The following SEMA3A variants were observed in gnomAD, a reference collection of about 807,000 sequenced individuals.
SEMA3A encodes semaphorin-3A.
A neutral mutation model predicts 97.9 loss-of-function variants in SEMA3A; 29 were observed. The observed-to-expected ratio is 0.30, with a 90% CI of 0.22 to 0.40. SEMA3A has a LOEUF of 0.40. SEMA3A is among the 10% of genes least tolerant of loss of function. The probability of loss-of-function intolerance (pLI) is 1.00; values close to 1 mark genes in which losing one functional copy is unlikely to be tolerated. For missense variants in SEMA3A, 763 were observed against 951.3 expected, an observed-to-expected ratio of 0.80 and a Z score of 2.60; for synonymous variants, 321 against 323.7, an observed-to-expected ratio of 0.99 and a Z score of 0.09.
chr7:84,054,925 C>A (rs974118470), intron 5 of SEMA3A, among the ~76,000 whole-genome samples: 27 of 151,826 alleles, frequency 1.8e-4, no homozygotes, highest in African/African-American at 4.1e-4. Flanking sequence ...TTCTAACAGA[C>A]AGGACCCTCA....
chr7:84,193,577 T>A (rs1245790051), intron 1 of SEMA3A, among the ~76,000 whole-genome samples: 5 of 152,202 alleles, frequency 3.3e-5, no homozygotes, highest in South Asian at 2.1e-4. Context: ...AAAGATTTAC[T>A]GCCACTAAAT....
At chr7:83,963,160 A>G in intron 16 of SEMA3A, 45 bp downstream of exon 16, 1 of 1,588,586 alleles carries the variant, frequency 6.3e-7, no homozygotes. Flanking sequence ...TACATTTAAC[A>G]GTGTATCTTA....
chr7:84,325,160 T>TATCA (rs1801745729), intron 2 of SEMA3A, among the ~76,000 whole-genome samples: 1 of 147,572 alleles, frequency 6.8e-6, no homozygotes, highest in Non-Finnish European at 1.5e-5. Context: ...TCTATCTATC[T>TATCA]ATCATTTTAA....
At chr7:83,973,780 C>A (rs1455501813) in intron 15 of SEMA3A, among the ~76,000 whole-genome samples, 2 of 151,412 alleles carry the variant, frequency 1.3e-5, no homozygotes, top group East Asian at 3.9e-4. Context: ...TGCATGCATG[C>A]AAAACTATTA....
chr7:84,307,124 T>C (rs75748848), intron 3 of SEMA3A: 1 of 152,134 alleles, frequency 6.6e-6, no homozygotes, highest in Admixed American at 6.6e-5. Context: ...TTATAAATTA[T>C]ATGCCACAGA....
chr7:84,219,661 T>C (rs925265585), intron 3 of SEMA3A, among the ~76,000 whole-genome samples: 1 of 152,200 alleles, frequency 6.6e-6, no homozygotes, highest in African/African-American at 2.4e-5. Flanking sequence ...TAAAATACTT[T>C]ATTGCTAAAA....
At chr7:84,315,202 A>G (rs1369963561) in intron 2 of SEMA3A, among the ~76,000 whole-genome samples, 1 of 152,114 alleles carries the variant, frequency 6.6e-6, no homozygotes, top group African/African-American at 2.4e-5. Flanking sequence ...CAGATCACTG[A>G]ACAGGTATGA....
intron 1 of SEMA3A, among the ~76,000 whole-genome samples, chr7:84,469,797 C>T (rs931046965): frequency 6.6e-6 from 1 of 151,984 alleles, no homozygotes; most frequent in African/African-American, 2.4e-5. Flanking sequence ...AATGAGATGT[C>T]TTCGTGATAA....
At chr7:84,305,162 T>A (rs1276558099) in intron 3 of SEMA3A, among the ~76,000 whole-genome samples, 6 of 151,944 alleles carry the variant, frequency 3.9e-5, no homozygotes, top group African/African-American at 1.4e-4. Flanking sequence ...TGTCTACGCT[T>A]TTAAATAATT....
At chr7:84,300,032 CAAAAAAA>C (rs58929555) in intron 3 of SEMA3A, among the ~76,000 whole-genome samples, 2 of 53,304 alleles carry the variant, frequency 3.8e-5, no homozygotes, top group East Asian at 4.8e-4. Flanking sequence ...GACTCAGTCA[CAAAAAAA>C]AAAAAAAAAA....
intron 15 of SEMA3A, among the ~76,000 whole-genome samples, chr7:83,967,392 A>G (rs997303008): frequency 2.6e-5 from 4 of 152,264 alleles, no homozygotes; most frequent in East Asian, 1.9e-4. Flanking sequence ...AAGTACGAAC[A>G]GAAATAATAT....
chr7:84,306,034 G>A (rs1209608666), intron 3 of SEMA3A, among the ~76,000 whole-genome samples: 1 of 151,440 alleles, frequency 6.6e-6, no homozygotes, highest in Non-Finnish European at 1.5e-5. Context: ...GAGGTTTTTA[G>A]TGCTCTACCA....
intron 1 of SEMA3A, among the ~76,000 whole-genome samples, chr7:84,377,750 C>A (rs866080457): frequency 6.6e-6 from 1 of 152,074 alleles, no homozygotes; most frequent in African/African-American, 2.4e-5. Flanking sequence ...TCTCTGCTAC[C>A]CATCATCAGA....
intron 1 of SEMA3A, among the ~76,000 whole-genome samples, chr7:84,417,958 AC>A (rs1477974802): frequency 6.6e-6 from 1 of 152,074 alleles, no homozygotes; most frequent in Non-Finnish European, 1.5e-5. Flanking sequence ...TCTCATACCA[AC>A]CCTTCGAGGA....
At chr7:84,409,393 C>G in intron 1 of SEMA3A, among the ~76,000 whole-genome samples, 1 of 151,756 alleles carries the variant, frequency 6.6e-6, no homozygotes, top group East Asian at 1.9e-4. Context: ...CTTCTGTATT[C>G]CTCTAAAATC....
At chr7:84,441,825 G>T (rs1002295315) in intron 1 of SEMA3A, among the ~76,000 whole-genome samples, 7 of 152,150 alleles carry the variant, frequency 4.6e-5, no homozygotes, top group African/African-American at 1.7e-4. Flanking sequence ...TCCTCAGTTA[G>T]ATCATCAGCA....
chr7:84,373,574 G>A (rs184948149), intron 1 of SEMA3A, among the ~76,000 whole-genome samples: 1 of 152,232 alleles, frequency 6.6e-6, no homozygotes, highest in African/African-American at 2.4e-5. Context: ...ATAAAATCAT[G>A]CCTTTGAAAC....
chr7:83,961,591 T>G lies in SEMA3A; in HGVS notation c.2096A>C (p.Gln699Pro). ...CATGAAGTCTCTGTACCAGACCTTC[T>G]GGCTAGGTGTCATGCTATTGGACAT... ...KEMSNSMTPSQKVWYRDFMQL... is the reference protein window; with the variant it reads ...KEMSNSMTPSPKVWYRDFMQL... The change falls in exon 17 of 17, where the codon CAG becomes CCG. Residue 699 changes from glutamine to proline, a missense_variant. Gln to Pro is a moderately conservative substitution (Grantham distance 76). Coordinates refer to ENST00000265362, the MANE Select transcript of SEMA3A (RefSeq NM_006080.3). 1 of 1,614,140 alleles carries G rather than the reference T, an allele frequency of 6.2e-7. No individual in the cohort carries two copies. Among genetic ancestry groups the G allele is most frequent in the Non-Finnish European group, 8.5e-7 (1 of 1,179,958 alleles).
At chr7:84,050,393 T>C (rs539281974) in intron 5 of SEMA3A, among the ~76,000 whole-genome samples, 251 of 152,222 alleles carry the variant, frequency 1.6e-3, no homozygotes, top group Non-Finnish European at 2.7e-3. Flanking sequence ...TTTTTAATGA[T>C]TGCCATTCTA....
Sources: gnomAD v4.1 joint callset for allele counts (sites outside exome capture counted in the v4.1 genomes callset) on GRCh38, gnomAD v4.1.1 for gene constraint, MANE v1.5 for transcripts, NCBI Gene and HGNC (gene_info 2026-07-23, HGNC 2026-07-21) for gene names.